VPS4B: variants seen among roughly 807,000 people sequenced by gnomAD.
The protein encoded by VPS4B is vacuolar protein sorting-associated protein 4B.
A neutral mutation model predicts 56.1 loss-of-function variants in VPS4B; 23 were observed. That is an observed-to-expected ratio of 0.41 (90% CI 0.30 to 0.58). The LOEUF (loss-of-function observed/expected upper bound fraction) is 0.58, where lower values mean the gene tolerates loss of function less well. Among genes scored for constraint, VPS4B ranks in the 20% least tolerant of loss-of-function variants. The pLI is 0.29. For missense variants in VPS4B, 372 were observed against 531.9 expected, an observed-to-expected ratio of 0.70 and a Z score of 2.96; for synonymous variants, 177 against 186.0, an observed-to-expected ratio of 0.95 and a Z score of 0.39.
chr18:63,398,438 T>C (rs1440764351), intron 8 of VPS4B, among the ~76,000 whole-genome samples: 1 of 151,914 alleles, frequency 6.6e-6, no homozygotes, highest in Admixed American at 6.6e-5. Flanking sequence ...CAGGGTGGTT[T>C]TGAACTCCTG....
At position 63,412,385 on chromosome 18, in the gene VPS4B, A is replaced by G. The variant is rs569424927; in HGVS notation, c.28-807T>C. 6.6e-5 allele frequency among the ~76,000 whole-genome samples: 10 copies of G among 152,356 alleles called. No individual in the cohort carries two copies. The East Asian group carries it at 1.3e-3, about 21-fold the overall frequency. ...ACAGAGTTTATCTTTGATAAAACAT[A>G]TATTTTTCATTTTCTACTTTTTCAC... On this transcript the variant is annotated intron_variant, in intron 1 of 10. Coordinates refer to ENST00000238497, the MANE Select transcript of VPS4B (RefSeq NM_004869.4).
intron 3 of VPS4B, among the ~76,000 whole-genome samples, chr18:63,409,310 T>G (rs1392628769): frequency 1.3e-5 from 2 of 152,246 alleles, no homozygotes; most frequent in African/African-American, 4.8e-5. Flanking sequence ...CCAAATGGTC[T>G]GTGGTAGCAG....
In VPS4B at chr18:63,393,564, A is replaced by C; in HGVS notation, c.1093-15T>G. ...GGTCCGCGAACCTGAAATAAACAGT[A>C]ATCTGAAATATGTATTTGAAACAAA... On this transcript the variant is annotated splice_polypyrimidine_tract_variant and intron_variant, in intron 9 of 10. Transcript: ENST00000238497. 1 of 1,556,040 alleles carries C rather than the reference A, an allele frequency of 6.4e-7. No individual in the cohort carries two copies.
intron 1 of VPS4B, among the ~76,000 whole-genome samples, chr18:63,413,912 G>A (rs918363657): frequency 1.3e-5 from 2 of 152,290 alleles, no homozygotes; most frequent in Admixed American, 1.3e-4. Context: ...TTGATAAAAT[G>A]TAATAGTTAC....
intron 3 of VPS4B, among the ~76,000 whole-genome samples, chr18:63,408,614 G>A (rs1224758248): frequency 6.6e-6 from 1 of 152,190 alleles, no homozygotes; most frequent in East Asian, 1.9e-4. Context: ...GCTGCGCAGA[G>A]GATTTACTAC....
At chr18:63,413,984 T>C (rs1184539496) in intron 1 of VPS4B, among the ~76,000 whole-genome samples, 6 of 152,216 alleles carry the variant, frequency 3.9e-5, no homozygotes, top group Admixed American at 3.3e-4. Context: ...TCAGCTAGTA[T>C]ATGAACATAA....
In VPS4B at chr18:63,405,335, C is replaced by G. The variant is rs1001205509; in HGVS notation, c.365-1509G>C. 2.0e-5 allele frequency among the ~76,000 whole-genome samples: 3 copies of G among 151,694 alleles called. No individual in the cohort carries two copies. In the East Asian group the frequency reaches 5.8e-4, roughly 29 times the overall value. ...CTAACAGAAAACTCAAATCACAAAC[C>G]GATTTTTAATTTTAACAAATATACA... On this transcript the variant is annotated intron_variant, in intron 4 of 10. Coordinates refer to ENST00000238497, the MANE Select transcript of VPS4B (RefSeq NM_004869.4).
chr18:63,408,414 CTCTT>C lies in VPS4B; in HGVS notation c.297-919_297-916del, dbSNP rs559586379. Among the ~76,000 whole-genome samples the C allele has an allele frequency of 1.4e-4, 22 of 152,334 alleles. No homozygotes were observed. In the East Asian group the frequency reaches 3.7e-3, roughly 25 times the overall value. On this transcript the variant is annotated intron_variant, in intron 3 of 10. Transcript: ENST00000238497. The stretch of plus-strand genomic sequence containing the variant: ...AGATTCACATGACACTCACTCCAAC[CTCTT>C]TCTATCATGCTGTCCAGTACTATAA...
chr18:63,411,150 A>C (rs1349207662), intron 2 of VPS4B, among the ~76,000 whole-genome samples: 1 of 152,234 alleles, frequency 6.6e-6, no homozygotes, highest in South Asian at 2.1e-4. Context: ...TTTCCATTGT[A>C]TCCCCAGTGC....
intron 9 of VPS4B, among the ~76,000 whole-genome samples, chr18:63,394,802 G>C (rs956432013): frequency 1.3e-5 from 2 of 152,026 alleles, no homozygotes; most frequent in Non-Finnish European, 2.9e-5. Flanking sequence ...CACAATAATC[G>C]ACTTTAAATA....
At chr18:63,405,665 C>T (rs1335709366) in intron 4 of VPS4B, among the ~76,000 whole-genome samples, 1 of 151,892 alleles carries the variant, frequency 6.6e-6, no homozygotes, top group Non-Finnish European at 1.5e-5. Context: ...CTATTAAAAA[C>T]TGGTTGTATC....
In VPS4B at chr18:63,407,401, T is replaced by C. The variant is rs186442764; in HGVS notation, c.364+31A>G. Reference sequence around the variant, plus strand: ...TTCACTTTGAGTCTTTTTAATAGGATAGTAAATTTAAAAATGAAATCTAAA... The same window carrying C: ...TTCACTTTGAGTCTTTTTAATAGGACAGTAAATTTAAAAATGAAATCTAAA... On this transcript the variant is annotated intron_variant, in intron 4 of 10. Coordinates refer to ENST00000238497, the MANE Select transcript of VPS4B (RefSeq NM_004869.4). 6.0e-5 allele frequency: 92 copies of C among 1,524,522 alleles called. No homozygotes were observed. In the Admixed American group the frequency reaches 1.4e-3, roughly 24 times the overall value. The allele number at this position is 1,524,522 out of a possible 1,614,324, so 94.4% of individuals were successfully genotyped here.
Position 63,400,609 on chromosome 18 carries a change from G to A in VPS4B, c.579C>T (p.Asn193=). 6.2e-7 allele frequency: 1 copy of A among 1,610,634 alleles called. No individual in the cohort carries two copies. ...AGGAAGATATTGAAAAAAATGTTGA[G>A]TTGTTGGCTTCTGTTGCTACAGCTT... is the stretch of plus-strand genomic sequence containing the variant. ...LAKAVATEAN[N]STFFSISSSD... Residue 193 remains asparagine, a synonymous_variant, in exon 6 of 11, where the codon AAC becomes AAT. Transcript: ENST00000238497.
intron 3 of VPS4B, among the ~76,000 whole-genome samples, chr18:63,409,205 A>G (rs1427512439): frequency 6.6e-6 from 1 of 152,236 alleles, no homozygotes; most frequent in Non-Finnish European, 1.5e-5. Flanking sequence ...CAGAGAATAT[A>G]AAACCTTGAG....
At chr18:63,391,499 G>A (rs1016555383) in intron 10 of VPS4B, among the ~76,000 whole-genome samples, 20 of 152,188 alleles carry the variant, frequency 1.3e-4, no homozygotes, top group Admixed American at 3.9e-4. Flanking sequence ...GAAGTGCTGG[G>A]ATTACAGGCG....
intron 8 of VPS4B, among the ~76,000 whole-genome samples, chr18:63,398,204 C>CACACACACACATATAT (rs1298374245): frequency 8.9e-6 from 1 of 112,444 alleles, no homozygotes; most frequent in African/African-American, 3.3e-5. Flanking sequence ...CACACACACA[C>CACACACACACATATAT]ATATATATAT....
At chr18:63,402,560 A>C (rs7230063) in intron 5 of VPS4B, among the ~76,000 whole-genome samples, 4,736 of 152,332 alleles carry the variant, frequency 0.031, 104 homozygotes, top group Non-Finnish European at 0.046. Flanking sequence ...GCTATACTCT[A>C]GTAAAAATGT....
At chr18:63,419,798 T>G (rs1318004810) in intron 1 of VPS4B, among the ~76,000 whole-genome samples, 1 of 152,204 alleles carries the variant, frequency 6.6e-6, no homozygotes, top group East Asian at 1.9e-4. Context: ...CAGGTTAACT[T>G]CGGGTTATTG....
At chr18:63,415,164 T>C (rs1012899911) in intron 1 of VPS4B, among the ~76,000 whole-genome samples, 1 of 152,256 alleles carries the variant, frequency 6.6e-6, no homozygotes, top group East Asian at 1.9e-4. Context: ...TTAACATTTT[T>C]CATCTGAAAT....
Sources: allele counts gnomAD v4.1 joint callset (sites outside exome capture counted in the v4.1 genomes callset), GRCh38; gene constraint gnomAD v4.1.1; transcripts MANE v1.5; gene names NCBI Gene and HGNC (gene_info 2026-07-23, HGNC 2026-07-21).